Variants in HERC2 observed in about 807,000 individuals in gnomAD.
The protein encoded by HERC2 is E3 ubiquitin-protein ligase HERC2.
A neutral mutation model predicts 537.7 loss-of-function variants in HERC2; 102 were observed. The ratio of observed to expected loss-of-function variants is 0.19; its 90% confidence interval spans 0.16 to 0.22. The LOEUF (loss-of-function observed/expected upper bound fraction) is 0.22, where lower values mean the gene tolerates loss of function less well. HERC2 is among the 10% of genes least tolerant of loss of function. The pLI is 1.00. For synonymous variants in HERC2, 2,224 were observed against 2,466.2 expected (o/e 0.90, Z 2.91); for missense variants, 4,236 against 6,198.2 (o/e 0.68, Z 10.63).
At position 28,229,606 on chromosome 15, in the gene HERC2, A is replaced by G. The variant is rs1191376655; in HGVS notation, c.4984-10T>C. The G allele has an allele frequency of 3.1e-6, 5 of 1,605,370 alleles. No individual in the cohort carries two copies. The South Asian group carries it at 4.4e-5, about 14-fold the overall frequency. ...CCTCTGCTCTCTCCAACTGCAAAAT[A>G]TCAATGCATACAGTTAAGTGTTATG... On this transcript the variant is annotated splice_polypyrimidine_tract_variant and intron_variant, in intron 32 of 92. Coordinates refer to ENST00000261609, the MANE Select transcript of HERC2 (RefSeq NM_004667.6).
chr15:28,218,790 T>A, intron 37 of HERC2, 119 bp from the exon 38 acceptor site: 1 of 944,568 alleles, frequency 1.1e-6, no homozygotes, highest in Admixed American at 1.9e-5. Flanking sequence ...TGAATTTTAG[T>A]GCAGTTTTAG....
At chr15:28,180,704 C>A (rs1250092698) in intron 57 of HERC2, among the ~76,000 whole-genome samples, 1 of 152,188 alleles carries the variant, frequency 6.6e-6, no homozygotes, top group Non-Finnish European at 1.5e-5. Flanking sequence ...GGTTCCACGT[C>A]CATGAATTCA....
At position 28,229,339 on chromosome 15, in the gene HERC2, G is replaced by T. The variant is rs372793125; in HGVS notation, c.5128C>A (p.Leu1710Ile). 6.2e-7 allele frequency: 1 copy of T among 1,612,876 alleles called. No homozygotes were observed. The highest frequency in any genetic ancestry group is 1.3e-5 in the African/African-American group (1 of 74,890). Reference sequence around the variant, plus strand: ...TCAACATCCTTTAAACAATCAGTAAGAGGTTCCCTTTCAAATAAAGATAAA... The same window carrying T: ...TCAACATCCTTTAAACAATCAGTAATAGGTTCCCTTTCAAATAAAGATAAA... ...IPEGIDIGEP[L>I]TDCLKDVDLI... is the part of the protein sequence containing the mutation. The change falls in exon 34 of 93, where the codon CTT (leucine) becomes ATT (isoleucine). Residue 1710 changes from leucine (L) to isoleucine (I), a missense_variant. Around this residue, in one of 27 missense-constraint regions of HERC2, gnomAD observed 343 missense variants for 417.2 expected, o/e 0.82. Coordinates refer to ENST00000261609, the MANE Select transcript of HERC2 (RefSeq NM_004667.6).
Position 28,265,513 on chromosome 15 carries a change from G to A in HERC2, c.1870+105C>T, listed in dbSNP as rs547092746. 2.5e-5 allele frequency: 22 copies of A among 873,474 alleles called. No individual in the cohort carries two copies. Among genetic ancestry groups the A allele is most frequent in the Non-Finnish European group, 3.9e-5 (21 of 541,498 alleles). 54.1% of individuals were successfully genotyped at this position (873,474 alleles called of 1,614,324 possible). A position where few individuals can be genotyped will look rare whatever the true frequency, so the allele number is the denominator to read the frequency against. ...TGAGCCCCACACCCACTGGGCGACA[G>A]GGTGGGTGGCCTCGTGAGGCCCACT... On this transcript the variant is annotated intron_variant, in intron 14 of 92. Coordinates refer to ENST00000261609, the MANE Select transcript of HERC2 (RefSeq NM_004667.6). This position sits in a 1 kb window ranked among gnomAD's most constrained non-coding sequence, Gnocchi z 4.0.
intron 57 of HERC2, among the ~76,000 whole-genome samples, chr15:28,180,036 T>C (rs1159186986): frequency 2.0e-5 from 3 of 152,214 alleles, no homozygotes; most frequent in Non-Finnish European, 4.4e-5. Context: ...TAACATGCAG[T>C]GATGTCCTGG....
chr15:28,133,522 A>G (rs916520379), intron 79 of HERC2, among the ~76,000 whole-genome samples: 12 of 152,242 alleles, frequency 7.9e-5, no homozygotes, highest in Admixed American at 4.6e-4. Context: ...TTTCTGACCT[A>G]AAGTCACAAA....
At chr15:28,321,004 C>A (rs2077214309) in intron 2 of HERC2, among the ~76,000 whole-genome samples, 1 of 151,822 alleles carries the variant, frequency 6.6e-6, no homozygotes, top group Admixed American at 6.6e-5. Context: ...CTCCAATTTT[C>A]CCCTCCACAG....
At chr15:28,159,385 A>G (rs1893339066) in intron 69 of HERC2, among the ~76,000 whole-genome samples, 1 of 152,188 alleles carries the variant, frequency 6.6e-6, no homozygotes, top group Non-Finnish European at 1.5e-5. Context: ...AATCAGTCAT[A>G]GATTTGGTCT....
rs531619509 is a variant in HERC2 at position 28,122,199 on chromosome 15, C to T, written c.13189-770G>A. Reference sequence around the variant, plus strand: ...ACAGCAGGGCGTGGCCAAACATCAGCACCACGGTGAGGACCCAGCCGTTCC... The same window carrying T: ...ACAGCAGGGCGTGGCCAAACATCAGTACCACGGTGAGGACCCAGCCGTTCC... On this transcript the variant is annotated intron_variant, in intron 85 of 92. Coordinates refer to ENST00000261609, the MANE Select transcript of HERC2 (RefSeq NM_004667.6). This position sits in a 1 kb window ranked among gnomAD's most constrained non-coding sequence, Gnocchi z 4.1. Among the ~76,000 whole-genome samples, 2 of 152,216 alleles carry T rather than the reference C, an allele frequency of 1.3e-5. No homozygotes were observed. The highest frequency in any genetic ancestry group is 4.8e-5 in the African/African-American group (2 of 41,458).
intron 72 of HERC2, 141 bp downstream of exon 72, chr15:28,144,532 A>G (rs144571647): frequency 0.016 from 18,038 of 1,150,440 alleles, 221 homozygotes; most frequent in Non-Finnish European, 0.019. Context: ...ACGCCTCAGC[A>G]GGGCCTGTGA....
intron 22 of HERC2, 44 bp from the exon 23 acceptor site, chr15:28,246,110 T>C (rs1022708197): frequency 7.8e-7 from 1 of 1,288,030 alleles, no homozygotes; most frequent in Non-Finnish European, 1.1e-6. Flanking sequence ...ATTTATCCTA[T>C]AAAAGCTATT....
rs2075530625 is a variant in HERC2 at position 28,265,268 on chromosome 15, G to GA, written c.1870+349dup. 6.6e-6 allele frequency among the ~76,000 whole-genome samples: 1 copy of GA among 152,122 alleles called. No individual in the cohort carries two copies. The highest frequency in any genetic ancestry group is 1.5e-5 in the Non-Finnish European group (1 of 68,026). On this transcript the variant is annotated intron_variant, in intron 14 of 92. Coordinates refer to ENST00000261609, the MANE Select transcript of HERC2 (RefSeq NM_004667.6). This position sits in a 1 kb window ranked among gnomAD's most constrained non-coding sequence, Gnocchi z 4.0. Reference sequence around the variant, plus strand: ...CCGTAGCATCAGACTACAGAACACAGAAAGACTTAGCAGGAATTACCACAG... The same window carrying GA: ...CCGTAGCATCAGACTACAGAACACAGAAAAGACTTAGCAGGAATTACCACAG...
chr15:28,319,852 C>G (rs2077185736), intron 2 of HERC2, among the ~76,000 whole-genome samples: 3 of 152,128 alleles, frequency 2.0e-5, no homozygotes, highest in Non-Finnish European at 2.9e-5. Flanking sequence ...GTCCTTTACT[C>G]CAAAAAGTTT....
In HERC2 at chr15:28,191,142, A is replaced by C. The variant is rs1260861348; in HGVS notation, c.8554T>G (p.Ser2852Ala). 1.2e-6 allele frequency: 2 copies of C among 1,610,332 alleles called. No homozygotes were observed. Among genetic ancestry groups the C allele is most frequent in the Non-Finnish European group, 1.7e-6 (2 of 1,176,628 alleles). The stretch of plus-strand genomic sequence containing the variant: ...TTAGGTAAACTAACTGAATTACCTG[A>C]CACTACAACCAGGGACGGCATGTAG... ...SSYMPSLVVV[S>A]GGNSLNNLIE... The change falls in exon 54 of 93, where the codon TCA (serine) becomes GCA (alanine). Residue 2852 changes from serine (S) to alanine (A), a missense_variant. Ser to Ala is a moderately conservative substitution (Grantham distance 99). Transcript: ENST00000261609.
chr15:28,315,332 A>G (rs1209132781), intron 2 of HERC2, among the ~76,000 whole-genome samples: 1 of 152,192 alleles, frequency 6.6e-6, no homozygotes, highest in Non-Finnish European at 1.5e-5. Flanking sequence ...AGGAAGCCAT[A>G]CTCCAACTCT....
chr15:28,238,802 T>C (rs375033319), intron 23 of HERC2, 30 bp from the exon 24 acceptor site: 50 of 1,502,324 alleles, frequency 3.3e-5, no homozygotes, highest in Non-Finnish European at 4.2e-5. Flanking sequence ...AATCAGTCCA[T>C]TGATCAATCA....
intron 83 of HERC2, among the ~76,000 whole-genome samples, chr15:28,127,659 G>A (rs1889650797): frequency 6.6e-6 from 1 of 152,150 alleles, no homozygotes; most frequent in Admixed American, 6.5e-5. Context: ...GGGCTCCTTG[G>A]AGAAATGGCC....
chr15:28,277,299 T>C (rs190797133), intron 5 of HERC2, among the ~76,000 whole-genome samples: 46 of 152,160 alleles, frequency 3.0e-4, no homozygotes, highest in South Asian at 2.3e-3. Flanking sequence ...ATTGAGAGCA[T>C]GTAAAACTGG....
At chr15:28,167,566 G>A (rs1281870736) in intron 68 of HERC2, 121 bp downstream of exon 68, 3 of 1,205,926 alleles carry the variant, frequency 2.5e-6, no homozygotes, top group Admixed American at 4.4e-5. Context: ...ATGCTAACAA[G>A]TGGACAGCCG....
Sources: allele counts gnomAD v4.1 joint callset (sites outside exome capture counted in the v4.1 genomes callset), GRCh38; gene constraint gnomAD v4.1.1; regional missense constraint gnomAD v4.1.1; non-coding constraint Gnocchi (gnomAD v3.1); transcripts MANE v1.5; gene names NCBI Gene and HGNC (gene_info 2026-07-23, HGNC 2026-07-21).